KCTD8: variants seen among roughly 807,000 people sequenced by gnomAD.
KCTD8 encodes potassium channel tetramerization domain containing 8.
In KCTD8, 27 loss-of-function variants were observed where a neutral mutation model predicts 31.5. The ratio of observed to expected loss-of-function variants is 0.86; its 90% CI spans 0.63 to 1.18. KCTD8 has a LOEUF of 1.18. Among genes scored for constraint, KCTD8 ranks in the 50% most tolerant of loss-of-function variants. The pLI is 0.00. For synonymous variants in KCTD8, 290 were observed against 280.0 expected, an observed-to-expected ratio of 1.04 and a Z score of -0.36; for missense variants, 658 against 647.7, an observed-to-expected ratio of 1.02 and a Z score of -0.17.
intron 1 of KCTD8, among the ~76,000 whole-genome samples, chr4:44,184,818 C>G (rs1409443754): frequency 1.3e-5 from 2 of 152,150 alleles, no homozygotes; most frequent in African/African-American, 4.8e-5. Flanking sequence ...ATGCTCCCAC[C>G]ACCCACACAT....
intron 1 of KCTD8, among the ~76,000 whole-genome samples, chr4:44,276,409 T>C (rs1158242326): frequency 6.6e-6 from 1 of 151,998 alleles, no homozygotes; most frequent in Admixed American, 6.6e-5. Context: ...CTCTTATTCG[T>C]TTGGATGCAG....
At chr4:44,348,136 A>G (rs1355825997) in intron 1 of KCTD8, among the ~76,000 whole-genome samples, 1 of 152,200 alleles carries the variant, frequency 6.6e-6, no homozygotes, top group Admixed American at 6.5e-5. Flanking sequence ...AAATGACTGT[A>G]TTACACAAAA....
intron 1 of KCTD8, among the ~76,000 whole-genome samples, chr4:44,194,975 C>A (rs922531520): frequency 6.6e-6 from 1 of 151,160 alleles, no homozygotes; most frequent in African/African-American, 2.4e-5. Flanking sequence ...CCTGCCTTAG[C>A]CTCCCAAGTA....
rs1057252527 is a variant in KCTD8, at chr4:44,248,401, A to G, written c.962-73151T>C. Among the ~76,000 whole-genome samples, 56 of 148,990 alleles carry G rather than the reference A, an allele frequency of 3.8e-4. 1 individual carries two copies. The highest frequency in any genetic ancestry group is 1.9e-4 in the Non-Finnish European group (13 of 67,158). ...CTTCCTGTGCTTCACCCATAATTCT[A>G]CTCCCAAACTCTAAACATTATTATC... On this transcript the variant is annotated intron_variant, in intron 1 of 1. Coordinates refer to ENST00000360029, the MANE Select transcript of KCTD8 (RefSeq NM_198353.3).
chr4:44,270,611 C>A lies in KCTD8; in HGVS notation c.962-95361G>T, dbSNP rs960180669. On this transcript the variant is annotated intron_variant, in intron 1 of 1. Coordinates refer to ENST00000360029, the MANE Select transcript of KCTD8 (RefSeq NM_198353.3). ...AATTTTCATGTATATTTATTAAGAC[C>A]AAACAGTTGGGTTTGAAAAAGGCTT... Among the ~76,000 whole-genome samples the A allele has an allele frequency of 2.6e-5, 4 of 151,976 alleles. No homozygotes were observed. The East Asian group carries it at 5.8e-4, about 22-fold the overall frequency.
At chr4:44,336,149 CAAAAAAAAA>C (rs58161667) in intron 1 of KCTD8, among the ~76,000 whole-genome samples, 1 of 46,528 alleles carries the variant, frequency 2.1e-5, no homozygotes, top group South Asian at 1.2e-3. Flanking sequence ...GACTCCGTCT[CAAAAAAAAA>C]AAAAAAAAAA....
At chr4:44,248,318 AT>A (rs953893823) in intron 1 of KCTD8, among the ~76,000 whole-genome samples, 12 of 148,778 alleles carry the variant, frequency 8.1e-5, no homozygotes, top group African/African-American at 7.4e-5. Flanking sequence ...GAAATCCTGT[AT>A]TTTTTTTTTC....
chr4:44,412,675 C>A (rs148384561), intron 1 of KCTD8, among the ~76,000 whole-genome samples: 6 of 152,206 alleles, frequency 3.9e-5, no homozygotes, highest in Non-Finnish European at 7.4e-5. Flanking sequence ...ACTTGATAGG[C>A]AGACACTGGC....
At chr4:44,336,012 T>C (rs1287444354) in intron 1 of KCTD8, among the ~76,000 whole-genome samples, 2 of 148,454 alleles carry the variant, frequency 1.3e-5, no homozygotes, top group African/African-American at 2.5e-5. Flanking sequence ...TAGCCGGGCG[T>C]AGTGGCGGGC....
At chr4:44,437,541 A>T (rs1191536307) in intron 1 of KCTD8, among the ~76,000 whole-genome samples, 1 of 151,856 alleles carries the variant, frequency 6.6e-6, no homozygotes, top group Non-Finnish European at 1.5e-5. Context: ...TATGTTTCTG[A>T]TTTTTTTTGA....
chr4:44,315,787 C>G (rs1203194217), intron 1 of KCTD8, among the ~76,000 whole-genome samples: 1 of 152,108 alleles, frequency 6.6e-6, no homozygotes, highest in African/African-American at 2.4e-5. Context: ...TCATTGTTCT[C>G]AGGTTCCATG....
At chr4:44,402,376 A>T (rs1330148664) in intron 1 of KCTD8, among the ~76,000 whole-genome samples, 2 of 152,212 alleles carry the variant, frequency 1.3e-5, no homozygotes, top group Admixed American at 6.5e-5. Context: ...TAGAGTTCTT[A>T]ATATAATATC....
intron 1 of KCTD8, among the ~76,000 whole-genome samples, chr4:44,398,784 C>T (rs1299404284): frequency 1.3e-5 from 2 of 152,026 alleles, no homozygotes; most frequent in Non-Finnish European, 2.9e-5. Flanking sequence ...TACGGCATAC[C>T]CCACATGGAA....
At chr4:44,373,179 A>G (rs1719834106) in intron 1 of KCTD8, among the ~76,000 whole-genome samples, 1 of 152,070 alleles carries the variant, frequency 6.6e-6, no homozygotes, top group Non-Finnish European at 1.5e-5. Context: ...CCTGACCAAC[A>G]TGGTGAAACT....
At chr4:44,413,479 C>T (rs1209594443) in intron 1 of KCTD8, among the ~76,000 whole-genome samples, 1 of 152,056 alleles carries the variant, frequency 6.6e-6, no homozygotes, top group African/African-American at 2.4e-5. Flanking sequence ...ACTTGAACTT[C>T]AACATAACAG....
chr4:44,282,952 G>A (rs1424470122), intron 1 of KCTD8, among the ~76,000 whole-genome samples: 1 of 151,824 alleles, frequency 6.6e-6, no homozygotes. Flanking sequence ...AAATGCTAAC[G>A]TAGAAGCTGC....
At chr4:44,193,934 C>G (rs953730880) in intron 1 of KCTD8, among the ~76,000 whole-genome samples, 2 of 151,976 alleles carry the variant, frequency 1.3e-5, no homozygotes, top group African/African-American at 4.8e-5. Flanking sequence ...AAATGTAAAT[C>G]CTACAGTAAA....
chr4:44,322,461 A>G (rs1249717847), intron 1 of KCTD8, among the ~76,000 whole-genome samples: 1 of 151,700 alleles, frequency 6.6e-6, no homozygotes, highest in African/African-American at 2.4e-5. Flanking sequence ...ATTGCTTTTG[A>G]GTTGTTTCAG....
chr4:44,396,601 C>T (rs1577653655), intron 1 of KCTD8, among the ~76,000 whole-genome samples: 1 of 151,894 alleles, frequency 6.6e-6, no homozygotes, highest in Non-Finnish European at 1.5e-5. Flanking sequence ...AACACACAGG[C>T]ACACAAAACA....
Sources: gnomAD v4.1 joint callset for allele counts (sites outside exome capture counted in the v4.1 genomes callset) on GRCh38, gnomAD v4.1.1 for gene constraint, MANE v1.5 for transcripts, NCBI Gene and HGNC (gene_info 2026-07-23, HGNC 2026-07-21) for gene names.